Variants in ATP10A observed in about 807,000 individuals in gnomAD.
ATP10A encodes ATPase phospholipid transporting 10A (putative).
In ATP10A, 111 loss-of-function variants were observed where a neutral mutation model predicts 147.8. The ratio of observed to expected loss-of-function variants is 0.75; its 90% CI spans 0.64 to 0.88. The LOEUF (loss-of-function observed/expected upper bound fraction) is 0.88. Ranked by LOEUF, ATP10A falls within the 40% of genes least tolerant of loss-of-function variation. The pLI, the probability that ATP10A is intolerant of heterozygous loss-of-function variation, is 0.00. For missense variants in ATP10A, 1,927 were observed against 1,959.0 expected (o/e 0.98, Z 0.31); for synonymous variants, 875 against 841.6 (o/e 1.04, Z -0.69).
chr15:25,766,730 T>A (rs1889042059), intron 2 of ATP10A, among the ~76,000 whole-genome samples: 1 of 151,858 alleles, frequency 6.6e-6, no homozygotes, highest in African/African-American at 2.4e-5. Flanking sequence ...CACCCTGAGC[T>A]CAGTGTCTGT....
intron 1 of ATP10A, among the ~76,000 whole-genome samples, chr15:25,799,066 G>A (rs922283230): frequency 3.3e-5 from 5 of 152,096 alleles, no homozygotes; most frequent in East Asian, 1.9e-4. Context: ...CTGCTTGCCC[G>A]CAGTTATTTT....
chr15:25,767,969 G>A (rs1313563039), intron 2 of ATP10A, among the ~76,000 whole-genome samples: 2 of 152,228 alleles, frequency 1.3e-5, no homozygotes, highest in South Asian at 2.1e-4. Flanking sequence ...GAGACACTGG[G>A]GTGAACATGG....
chr15:25,827,934 G>A (rs917415044), intron 1 of ATP10A, among the ~76,000 whole-genome samples: 8 of 152,046 alleles, frequency 5.3e-5, no homozygotes, highest in South Asian at 2.1e-4. Flanking sequence ...ATACAAATAG[G>A]TTGAAAGTAA....
At chr15:25,680,097 G>A (rs1025937225) in intron 20 of ATP10A, 24 bp downstream of exon 20, 38 of 1,609,736 alleles carry the variant, frequency 2.4e-5, no homozygotes, top group Non-Finnish European at 2.8e-5. Context: ...GGGCTCAGAG[G>A]CACTATCCCG....
chr15:25,732,465 T>C (rs968974399), intron 3 of ATP10A, among the ~76,000 whole-genome samples: 1 of 151,832 alleles, frequency 6.6e-6, no homozygotes, highest in Non-Finnish European at 1.5e-5. Flanking sequence ...TTCCCATTCC[T>C]ATCTCATTCC....
intron 2 of ATP10A, among the ~76,000 whole-genome samples, chr15:25,754,547 G>A (rs1596820438): frequency 6.6e-6 from 1 of 152,108 alleles, no homozygotes; most frequent in Non-Finnish European, 1.5e-5. Context: ...ACACACACAC[G>A]TAAGAGAAGC....
At chr15:25,780,545 ACCCTGCTG>A (rs1889866016) in intron 2 of ATP10A, among the ~76,000 whole-genome samples, 1 of 151,872 alleles carries the variant, frequency 6.6e-6, no homozygotes, top group African/African-American at 2.4e-5. Flanking sequence ...CTCACCCCTC[ACCCTGCTG>A]CACGGTGGCC....
chr15:25,788,339 G>C (rs1457473018), intron 1 of ATP10A, among the ~76,000 whole-genome samples: 2 of 152,238 alleles, frequency 1.3e-5, no homozygotes, highest in Non-Finnish European at 2.9e-5. Context: ...CGCCAGCCCA[G>C]AAGCCTGGAC....
rs1023424624 is a variant in ATP10A, at chr15:25,708,305, G to C, written c.2345-5C>G. Reference sequence around the variant, plus strand: ...GATGCCTCCCTCTGGCGTCAACTAGGTTGGAGAATAAGCAGAAACATGGGT... The same window carrying C: ...GATGCCTCCCTCTGGCGTCAACTAGCTTGGAGAATAAGCAGAAACATGGGT... On this transcript the variant is annotated splice_polypyrimidine_tract_variant and splice_region_variant and intron_variant, in intron 10 of 20. Transcript: ENST00000555815. 1 of 1,612,596 alleles carries C rather than the reference G, an allele frequency of 6.2e-7. No homozygotes were observed. Among genetic ancestry groups the C allele is most frequent in the Admixed American group, 1.7e-5 (1 of 60,000 alleles).
chr15:25,783,125 G>A (rs576829932), intron 1 of ATP10A, among the ~76,000 whole-genome samples: 19 of 152,284 alleles, frequency 1.2e-4, no homozygotes, highest in South Asian at 2.1e-4. Context: ...GCAGTGAGCC[G>A]TGATGGCACC....
chr15:25,763,467 C>T (rs1888864769), intron 2 of ATP10A, among the ~76,000 whole-genome samples: 1 of 152,192 alleles, frequency 6.6e-6, no homozygotes, highest in Admixed American at 6.5e-5. Context: ...TACTGGGCTC[C>T]CAGAAGGATG....
At chr15:25,793,740 T>C (rs796326517) in intron 1 of ATP10A, among the ~76,000 whole-genome samples, 90 of 152,230 alleles carry the variant, frequency 5.9e-4, no homozygotes, top group African/African-American at 1.8e-3. Context: ...GGCACATAAC[T>C]TCCCCCAATC....
At chr15:25,686,957 T>G (rs1422743825) in intron 16 of ATP10A, among the ~76,000 whole-genome samples, 3 of 108,084 alleles carry the variant, frequency 2.8e-5, no homozygotes, top group Admixed American at 2.7e-4. Context: ...TGGGTGTGGC[T>G]TTACAGCAGG....
At chr15:25,733,300 T>C (rs1887053239) in intron 3 of ATP10A, among the ~76,000 whole-genome samples, 2 of 152,160 alleles carry the variant, frequency 1.3e-5, no homozygotes, top group African/African-American at 4.8e-5. Context: ...CTTAGCTCCC[T>C]GCCCTGGGCA....
chr15:25,756,414 C>T (rs879679217), intron 2 of ATP10A, among the ~76,000 whole-genome samples: 8 of 152,168 alleles, frequency 5.3e-5, no homozygotes, highest in Non-Finnish European at 1.0e-4. Context: ...GAGGCCGAGG[C>T]GAGCGGATCA....
At chr15:25,797,009 G>A (rs1405431726) in intron 1 of ATP10A, among the ~76,000 whole-genome samples, 1 of 151,490 alleles carries the variant, frequency 6.6e-6, no homozygotes, top group East Asian at 2.0e-4. Context: ...AAATCTACTT[G>A]TTAGCAATTT....
intron 1 of ATP10A, among the ~76,000 whole-genome samples, chr15:25,802,603 GA>G (rs1890991386): frequency 6.6e-6 from 1 of 152,194 alleles, no homozygotes; most frequent in Non-Finnish European, 1.5e-5. Context: ...AGTCTCAGCG[GA>G]GAGTATGCTT....
At chr15:25,793,690 C>A (rs1031304443) in intron 1 of ATP10A, among the ~76,000 whole-genome samples, 1 of 152,358 alleles carries the variant, frequency 6.6e-6, no homozygotes, top group East Asian at 1.9e-4. Context: ...ATGGCAGATC[C>A]CTTTCTTAGA....
intron 1 of ATP10A, among the ~76,000 whole-genome samples, chr15:25,829,230 G>C (rs532066762): frequency 2.0e-5 from 3 of 152,198 alleles, no homozygotes; most frequent in Admixed American, 6.5e-5. Flanking sequence ...AAGGGGGAAG[G>C]TTCGTTCAAA....
Sources: gnomAD v4.1 joint callset for allele counts (sites outside exome capture counted in the v4.1 genomes callset) on GRCh38, gnomAD v4.1.1 for gene constraint, MANE v1.5 for transcripts, NCBI Gene and HGNC (gene_info 2026-07-23, HGNC 2026-07-21) for gene names.